CORIN: variants seen among roughly 807,000 people sequenced by gnomAD.
CORIN encodes the protein corin, serine peptidase, also known as atrial natriuretic peptide-converting enzyme.
Under a neutral mutation model 125.3 loss-of-function variants are expected in CORIN, and 117 were observed. That is an observed-to-expected ratio of 0.93 (90% CI 0.80 to 1.09). The LOEUF is 1.09. Ranked by LOEUF, CORIN falls within the 50% of genes least tolerant of loss-of-function variation. The pLI is 0.00. For synonymous variants in CORIN, 450 were observed against 466.4 expected, an observed-to-expected ratio of 0.96 and a Z score of 0.45; for missense variants, 1,253 against 1,306.7, an observed-to-expected ratio of 0.96 and a Z score of 0.63.
intron 16 of CORIN, among the ~76,000 whole-genome samples, chr4:47,641,222 C>G (rs1039925743): frequency 6.6e-6 from 1 of 152,114 alleles, no homozygotes; most frequent in Non-Finnish European, 1.5e-5. Context: ...TTTATTTAGT[C>G]TAGAATTTTA....
At chr4:47,819,165 G>A (rs1170579134) in intron 1 of CORIN, among the ~76,000 whole-genome samples, 1 of 152,158 alleles carries the variant, frequency 6.6e-6, no homozygotes, top group Non-Finnish European at 1.5e-5. Flanking sequence ...TAGGTTAGAT[G>A]CGGATTTGAG....
intron 5 of CORIN, among the ~76,000 whole-genome samples, chr4:47,733,283 G>C (rs770081353): frequency 2.0e-5 from 3 of 152,136 alleles, no homozygotes; most frequent in African/African-American, 7.2e-5. Context: ...GCGCCTTCAC[G>C]ATGCTATTTG....
At chr4:47,761,197 G>C (rs1729436936) in intron 4 of CORIN, among the ~76,000 whole-genome samples, 2 of 152,150 alleles carry the variant, frequency 1.3e-5, no homozygotes, top group South Asian at 4.1e-4. Context: ...CTAACTGTTG[G>C]GTGCAAGAGG....
intron 19 of CORIN, among the ~76,000 whole-genome samples, chr4:47,611,435 ATTGATT>A (rs1721864688): frequency 6.6e-6 from 1 of 152,212 alleles, no homozygotes; most frequent in Admixed American, 6.5e-5. Flanking sequence ...ATTTTTGCAC[ATTGATT>A]TTGTATCCTG....
At chr4:47,709,320 G>T (rs941258622) in intron 5 of CORIN, among the ~76,000 whole-genome samples, 3 of 151,544 alleles carry the variant, frequency 2.0e-5, no homozygotes, top group Non-Finnish European at 2.9e-5. Context: ...TAGACACAAG[G>T]TCTCCCTCTG....
chr4:47,735,882 C>T (rs868109802), intron 5 of CORIN, among the ~76,000 whole-genome samples: 34 of 147,020 alleles, frequency 2.3e-4, no homozygotes, highest in Admixed American at 2.2e-3. Context: ...GCAGAGATCG[C>T]GTCACTGCAC....
At chr4:47,730,010 A>G (rs1727793198) in intron 5 of CORIN, among the ~76,000 whole-genome samples, 1 of 152,038 alleles carries the variant, frequency 6.6e-6, no homozygotes, top group South Asian at 2.1e-4. Flanking sequence ...CCACCACTCA[A>G]TAAAACCTTG....
At chr4:47,620,765 G>A (rs1170789215) in intron 19 of CORIN, among the ~76,000 whole-genome samples, 8 of 152,146 alleles carry the variant, frequency 5.3e-5, no homozygotes, top group African/African-American at 1.9e-4. Context: ...GCTCTACATA[G>A]ACTGTTTCAC....
chr4:47,623,096 C>CTCTCTCTCTCTCTCTATATATA (rs771867590), intron 19 of CORIN, among the ~76,000 whole-genome samples: 18 of 102,298 alleles, frequency 1.8e-4, no homozygotes, highest in African/African-American at 7.7e-4. Flanking sequence ...CTCTCTCTCT[C>CTCTCTCTCTCTCTCTATATATA]TATATATATA....
rs193206646 is a variant in CORIN, at chr4:47,772,947, A to G, written c.410-9361T>C. On this transcript the variant is annotated intron_variant, in intron 3 of 21. Transcript: ENST00000273857. ...ATAAAGGGAATAATTATTCATTTAT[A>G]TAGGAACAAAATTCAAAATTGAACT... Among the ~76,000 whole-genome samples the G allele has an allele frequency of 1.4e-3, 216 of 152,296 alleles. 1 individual carries two copies. Among genetic ancestry groups the G allele is most frequent in the Non-Finnish European group, 2.4e-3 (160 of 68,002 alleles).
intron 2 of CORIN, among the ~76,000 whole-genome samples, chr4:47,803,290 C>T (rs1168982356): frequency 6.6e-6 from 1 of 152,198 alleles, no homozygotes; most frequent in East Asian, 1.9e-4. Context: ...TCAAAGCAAT[C>T]TGCAGATTCC....
intron 16 of CORIN, among the ~76,000 whole-genome samples, chr4:47,640,389 G>A (rs2109604986): frequency 6.6e-6 from 1 of 152,260 alleles, no homozygotes; most frequent in African/African-American, 2.4e-5. Context: ...AGATGAAAAG[G>A]CCTCATGTTG....
At chr4:47,606,937 T>G (rs193093031) in intron 19 of CORIN, among the ~76,000 whole-genome samples, 1 of 152,346 alleles carries the variant, frequency 6.6e-6, no homozygotes, top group Non-Finnish European at 1.5e-5. Context: ...TTGAATAGCG[T>G]TACTAAGTTT....
chr4:47,700,273 G>A (rs1321348868), intron 5 of CORIN, among the ~76,000 whole-genome samples: 2 of 152,132 alleles, frequency 1.3e-5, no homozygotes, highest in Admixed American at 6.5e-5. Flanking sequence ...ACTTTTAGGG[G>A]TAGAGGGGGA....
At chr4:47,790,107 T>C (rs912291481) in intron 2 of CORIN, 1 of 479,900 alleles carries the variant, frequency 2.1e-6, no homozygotes, top group African/African-American at 2.1e-5. Context: ...TTTTCTACAT[T>C]TCTATGTTTA....
chr4:47,828,872 AG>A (rs71654885), intron 1 of CORIN, among the ~76,000 whole-genome samples: 1 of 152,034 alleles, frequency 6.6e-6, no homozygotes, highest in African/African-American at 2.4e-5. Context: ...TGAAAAAAAA[AG>A]GTAGGCCCGG....
Position 47,626,499 on chromosome 4 carries a change from T to C in CORIN, c.2221A>G (p.Ile741Val), listed in dbSNP as rs1722575161. 6.2e-7 allele frequency: 1 copy of C among 1,613,720 alleles called. No individual in the cohort carries two copies. ...GLGEPSVTKLIQEQEKEPRWL... is the reference protein window; with the variant it reads ...GLGEPSVTKLVQEQEKEPRWL... Reference sequence around the variant, plus strand: ...CGCGGCTCTTTCTCCTGTTCCTGTATCAATTTGGTCACAGATGGTTCTCTG... The same window carrying C: ...CGCGGCTCTTTCTCCTGTTCCTGTACCAATTTGGTCACAGATGGTTCTCTG... Residue 741 changes from isoleucine (I) to valine (V), a missense_variant, in exon 17 of 22, where the codon ATA becomes GTA. By Grantham distance (29) the Ile-to-Val change is conservative. Transcript: ENST00000273857.
At chr4:47,646,667 T>C (rs1425527482) in intron 13 of CORIN, among the ~76,000 whole-genome samples, 1 of 152,220 alleles carries the variant, frequency 6.6e-6, no homozygotes, top group Non-Finnish European at 1.5e-5. Flanking sequence ...GCTAGAACAA[T>C]GGCTAGCATG....
At chr4:47,639,600 TA>T (rs748175771) in intron 16 of CORIN, among the ~76,000 whole-genome samples, 1 of 152,202 alleles carries the variant, frequency 6.6e-6, no homozygotes, top group South Asian at 2.1e-4. Flanking sequence ...CTCCAGAAGC[TA>T]AGAAGGAACA....
Sources: gnomAD v4.1 joint callset for allele counts (sites outside exome capture counted in the v4.1 genomes callset) on GRCh38, gnomAD v4.1.1 for gene constraint, MANE v1.5 for transcripts, NCBI Gene and HGNC (gene_info 2026-07-23, HGNC 2026-07-21) for gene names.